ST3GAL1: variants seen among roughly 807,000 people sequenced by gnomAD.
ST3GAL1 encodes the protein ST3 beta-galactoside alpha-2,3-sialyltransferase 1.
Under a neutral mutation model 34.1 loss-of-function variants are expected in ST3GAL1, and 16 were observed. The observed-to-expected ratio is 0.47, with a 90% CI of 0.32 to 0.71. The LOEUF is 0.71. Ranked by LOEUF, ST3GAL1 falls within the 30% of genes least tolerant of loss-of-function variation. ST3GAL1 has a pLI of 0.04. For synonymous variants in ST3GAL1, 191 were observed against 184.7 expected, an observed-to-expected ratio of 1.03 and a Z score of -0.28; for missense variants, 353 against 447.4, an observed-to-expected ratio of 0.79 and a Z score of 1.90.
At chr8:133,540,715 A>G (rs1267329860) in intron 2 of ST3GAL1, among the ~76,000 whole-genome samples, 1 of 103,354 alleles carries the variant, frequency 9.7e-6, no homozygotes, top group African/African-American at 5.6e-5. Flanking sequence ...ATACAGACAT[A>G]TATATATATA....
Position 133,560,199 on chromosome 8 carries a change from C to T in ST3GAL1, c.-582+11494G>A, listed in dbSNP as rs568953128. Among the ~76,000 whole-genome samples, 13 of 152,014 alleles carry T rather than the reference C, an allele frequency of 8.6e-5. No homozygotes were observed. The South Asian group carries it at 1.5e-3, about 17-fold the overall frequency. On this transcript the variant is annotated intron_variant, in intron 1 of 9. Coordinates refer to ENST00000522652, the MANE Select transcript of ST3GAL1 (RefSeq NM_173344.3). The stretch of plus-strand genomic sequence containing the variant: ...ACCCTGATTTGATCACTCTACATTG[C>T]ATGTATGAAAACTCACTACGTACCC...
chr8:133,511,377 C>T (rs1344204551), intron 2 of ST3GAL1, among the ~76,000 whole-genome samples: 1 of 152,226 alleles, frequency 6.6e-6, no homozygotes, highest in Non-Finnish European at 1.5e-5. Flanking sequence ...TTATTGAACA[C>T]CTAGTATGTG....
intron 1 of ST3GAL1, among the ~76,000 whole-genome samples, chr8:133,561,630 A>G (rs1819224958): frequency 6.6e-6 from 1 of 152,142 alleles, no homozygotes; most frequent in Non-Finnish European, 1.5e-5. Context: ...GAGGATGTAG[A>G]GACTTAGATT....
intron 5 of ST3GAL1, among the ~76,000 whole-genome samples, chr8:133,473,088 C>T (rs1348822746): frequency 1.2e-5 from 1 of 82,840 alleles, no homozygotes. Context: ...GATGCCAGGC[C>T]CCAGTTCCTA....
In ST3GAL1 at chr8:133,469,241, T is replaced by C. The variant is rs1260925789; in HGVS notation, c.307-3151A>G. Among the ~76,000 whole-genome samples, 4 of 152,124 alleles carry C rather than the reference T, an allele frequency of 2.6e-5. No homozygotes were observed. The highest frequency in any genetic ancestry group is 7.2e-5 in the African/African-American group (3 of 41,422). Reference sequence around the variant, plus strand: ...TTGATTGATTTGATTTGATTTGATATGGAGTCTCACTCTATCGCCCAGGCT... The same window carrying C: ...TTGATTGATTTGATTTGATTTGATACGGAGTCTCACTCTATCGCCCAGGCT... On this transcript the variant is annotated intron_variant, in intron 5 of 9. Transcript: ENST00000522652. The surrounding 1 kb of genome is among the most constrained non-coding windows in gnomAD (Gnocchi z 4.3).
At chr8:133,479,482 G>A (rs563300720) in intron 3 of ST3GAL1, among the ~76,000 whole-genome samples, 1 of 152,292 alleles carries the variant, frequency 6.6e-6, no homozygotes, top group African/African-American at 2.4e-5. Context: ...TACTACATTT[G>A]CCTTTATAAT....
intron 2 of ST3GAL1, among the ~76,000 whole-genome samples, chr8:133,506,304 G>A (rs912467411): frequency 3.3e-5 from 5 of 152,306 alleles, no homozygotes; most frequent in East Asian, 3.9e-4. Context: ...GACCTGATGG[G>A]GTCCTTGTGA....
In ST3GAL1 at chr8:133,570,413, C is replaced by G. The variant is rs903766366; in HGVS notation, c.-582+1280G>C. ...CGCCCAGCCCGCGAGACGCAGTGAC[C>G]TGCCCAACCCCCACCCCCTTGCGCG... On this transcript the variant is annotated intron_variant, in intron 1 of 9. Transcript: ENST00000522652. The surrounding 1 kb of genome is among the most constrained non-coding windows in gnomAD (Gnocchi z 5.6). 11 of 152,396 alleles carry G rather than the reference C, an allele frequency of 7.2e-5. No homozygotes were observed. The Middle Eastern group carries it at 0.01, about 140-fold the overall frequency. 9.4% of individuals were successfully genotyped at this position (152,396 alleles called of 1,614,324 possible).
intron 5 of ST3GAL1, among the ~76,000 whole-genome samples, chr8:133,474,030 G>C (rs1241393917): frequency 6.6e-6 from 1 of 152,230 alleles, no homozygotes; most frequent in African/African-American, 2.4e-5. Flanking sequence ...GCTCAACACA[G>C]ATTAGCAAAC....
At position 133,530,507 on chromosome 8, in the gene ST3GAL1, T is replaced by A. The variant is rs1171486949; in HGVS notation, c.-429+15267A>T. ...CATGTTTGTCAGGCTGGTTGTGAAC[T>A]CCTGACCTCAGGTGATCCACTCGCC... On this transcript the variant is annotated intron_variant, in intron 2 of 9. Coordinates refer to ENST00000522652, the MANE Select transcript of ST3GAL1 (RefSeq NM_173344.3). Among the ~76,000 whole-genome samples, 4 of 152,162 alleles carry A rather than the reference T, an allele frequency of 2.6e-5. No homozygotes were observed. In the East Asian group the frequency reaches 7.7e-4, roughly 29 times the overall value.
intron 2 of ST3GAL1, among the ~76,000 whole-genome samples, chr8:133,541,082 C>CATATATATATAAACATATAT (rs1818503516): frequency 1.0e-4 from 5 of 48,714 alleles, no homozygotes; most frequent in African/African-American, 4.2e-4. Context: ...TATATATAGA[C>CATATATATATAAACATATAT]ATATATATAT....
chr8:133,464,788 T>C lies in ST3GAL1; in HGVS notation c.673A>G (p.Thr225Ala). ...EWVVSAITTG[T>A]ISHTYIPVPA... ...ACAGGAGGGACTCACTGGGAAATGGTGCCCGTGGTGATGGCGCTCACCACC... is the reference window on the plus strand; with the variant it reads ...ACAGGAGGGACTCACTGGGAAATGGCGCCCGTGGTGATGGCGCTCACCACC... Residue 225 changes from threonine to alanine, a missense_variant, in exon 7 of 10, where the codon ACC (threonine) becomes GCC (alanine). Physicochemically the swap from Thr to Ala is moderately conservative, Grantham distance 58. Coordinates refer to ENST00000522652, the MANE Select transcript of ST3GAL1 (RefSeq NM_173344.3). 1.9e-6 allele frequency: 3 copies of C among 1,612,528 alleles called. No homozygotes were observed. The highest frequency in any genetic ancestry group is 4.5e-5 in the East Asian group (2 of 44,812).
At chr8:133,505,967 CTAAT>C (rs1008196825) in intron 2 of ST3GAL1, among the ~76,000 whole-genome samples, 1 of 151,774 alleles carries the variant, frequency 6.6e-6, no homozygotes, top group Admixed American at 6.5e-5. Flanking sequence ...CATTAATTAA[CTAAT>C]TAATGCCACT....
chr8:133,522,473 C>G (rs1436536590), intron 2 of ST3GAL1, among the ~76,000 whole-genome samples: 1 of 152,128 alleles, frequency 6.6e-6, no homozygotes, highest in East Asian at 1.9e-4. Flanking sequence ...GTCTGAGGCT[C>G]AGAGAGGTCA....
intron 2 of ST3GAL1, among the ~76,000 whole-genome samples, chr8:133,519,690 A>G (rs1372758390): frequency 6.6e-6 from 1 of 152,192 alleles, no homozygotes; most frequent in Non-Finnish European, 1.5e-5. Context: ...GCACGCCTGT[A>G]ATCCCAGCAC....
At chr8:133,479,718 C>T (rs1302320609) in intron 3 of ST3GAL1, among the ~76,000 whole-genome samples, 4 of 152,126 alleles carry the variant, frequency 2.6e-5, no homozygotes, top group Non-Finnish European at 4.4e-5. Context: ...GGTTGTGCTG[C>T]ACAGGTTGTG....
At chr8:133,479,135 A>G (rs920496786) in intron 3 of ST3GAL1, among the ~76,000 whole-genome samples, 2 of 152,256 alleles carry the variant, frequency 1.3e-5, no homozygotes, top group African/African-American at 2.4e-5. Context: ...CCGTCAGCCC[A>G]TCAAGGTTGT....
intron 5 of ST3GAL1, among the ~76,000 whole-genome samples, chr8:133,471,096 G>T (rs1183152322): frequency 6.6e-6 from 1 of 152,028 alleles, no homozygotes; most frequent in Non-Finnish European, 1.5e-5. Flanking sequence ...TCAGTCTCTG[G>T]CCTTCCACAC....
intron 1 of ST3GAL1, among the ~76,000 whole-genome samples, chr8:133,546,571 G>A (rs570757569): frequency 1.0e-3 from 153 of 150,976 alleles, no homozygotes; most frequent in African/African-American, 3.5e-3. Flanking sequence ...CCTAAACAAA[G>A]CACTAATGAG....
Sources: gnomAD v4.1 joint callset for allele counts (sites outside exome capture counted in the v4.1 genomes callset) on GRCh38, gnomAD v4.1.1 for gene constraint, Gnocchi (gnomAD v3.1) non-coding constraint, MANE v1.5 for transcripts, NCBI Gene and HGNC (gene_info 2026-07-23, HGNC 2026-07-21) for gene names.